SLC38A11: variants seen among roughly 807,000 people sequenced by gnomAD.
The protein encoded by SLC38A11 is putative sodium-coupled neutral amino acid transporter 11.
Under a neutral mutation model 49.4 loss-of-function variants are expected in SLC38A11, and 51 were observed. That is an observed-to-expected ratio of 1.03 (90% CI 0.83 to 1.30). The LOEUF (loss-of-function observed/expected upper bound fraction) is 1.30, where lower values mean the gene tolerates loss of function less well. SLC38A11 is among the 50% of genes most tolerant of loss of function. The pLI, the probability that SLC38A11 is intolerant of heterozygous loss-of-function variation, is 0.00. For synonymous variants in SLC38A11, 203 were observed against 192.9 expected (o/e 1.05, Z -0.43); for missense variants, 574 against 556.2 (o/e 1.03, Z -0.32).
chr2:164,902,025 TTCTC>T (rs1199610791), intron 11 of SLC38A11, among the ~76,000 whole-genome samples: 1 of 148,506 alleles, frequency 6.7e-6, no homozygotes, highest in African/African-American at 2.5e-5. Flanking sequence ...GTTTTTTGTT[TTCTC>T]TCTCTTTTTT....
intron 5 of SLC38A11, among the ~76,000 whole-genome samples, chr2:164,941,081 C>T (rs1687734973): frequency 6.6e-6 from 1 of 151,828 alleles, no homozygotes; most frequent in Admixed American, 6.6e-5. Flanking sequence ...ACTGAGGATC[C>T]CATTTGCATA....
intron 7 of SLC38A11, among the ~76,000 whole-genome samples, chr2:164,926,454 T>C (rs1258041084): frequency 6.6e-6 from 1 of 152,154 alleles, no homozygotes; most frequent in African/African-American, 2.4e-5. Context: ...GGTTTAAATG[T>C]TTGCATCCCC....
In SLC38A11 at chr2:164,904,413, GA is replaced by G. The variant is rs202047741; in HGVS notation, c.1095+4226del. On this transcript the variant is annotated intron_variant, in intron 11 of 11. Transcript: ENST00000685975. ...TTGTTGTCTACTGACATGAAAACAA[GA>G]AAAAAAAAGGAAAGCAAGGTTCTAT... 2.5e-3 allele frequency among the ~76,000 whole-genome samples: 370 copies of G among 149,356 alleles called. 5 individuals are homozygous for G. In the East Asian group the frequency reaches 0.03, roughly 12 times the overall value.
At chr2:164,921,690 T>C (rs1686216622) in intron 7 of SLC38A11, among the ~76,000 whole-genome samples, 1 of 152,078 alleles carries the variant, frequency 6.6e-6, no homozygotes, top group Non-Finnish European at 1.5e-5. Flanking sequence ...AAAGTAACAT[T>C]GAAAAGAAGC....
chr2:164,950,604 A>G (rs1222922090), intron 3 of SLC38A11, among the ~76,000 whole-genome samples: 1 of 152,200 alleles, frequency 6.6e-6, no homozygotes, highest in African/African-American at 2.4e-5. Context: ...TACTTAACAA[A>G]AGAATTTTCT....
At chr2:164,901,857 T>C (rs1286458419) in intron 11 of SLC38A11, among the ~76,000 whole-genome samples, 1 of 152,076 alleles carries the variant, frequency 6.6e-6, no homozygotes, top group Admixed American at 6.6e-5. Context: ...AGCCTTCAGT[T>C]GTTTCCTATT....
At chr2:164,903,831 A>G (rs1473965844) in intron 11 of SLC38A11, among the ~76,000 whole-genome samples, 1 of 152,210 alleles carries the variant, frequency 6.6e-6, no homozygotes, top group Non-Finnish European at 1.5e-5. Flanking sequence ...GAGAAAGGAC[A>G]GAAGCTATTG....
chr2:164,951,876 A>G (rs2105521570), intron 3 of SLC38A11, among the ~76,000 whole-genome samples: 1 of 152,312 alleles, frequency 6.6e-6, no homozygotes, highest in Non-Finnish European at 1.5e-5. Context: ...GGCCCAGGGC[A>G]ACACTCCAGA....
At position 164,955,485 on chromosome 2, in the gene SLC38A11, G is replaced by A. The variant is rs945558601; in HGVS notation, c.-238C>T. The A allele has an allele frequency of 1.3e-5, 7 of 546,806 alleles. No individual in the cohort carries two copies. Among genetic ancestry groups the A allele is most frequent in the Admixed American group, 6.7e-5 (2 of 29,902 alleles). 33.9% of individuals were successfully genotyped at this position (546,806 alleles called of 1,614,324 possible). On this transcript the variant is annotated 5_prime_UTR_variant, in exon 1 of 12. Coordinates refer to ENST00000685975, the MANE Select transcript of SLC38A11 (RefSeq NM_001351537.2). The stretch of plus-strand genomic sequence containing the variant: ...TCCACCGGAGTTCGCCCAGACAAAT[G>A]TATTTTTCCTCCGGAGACGGAGATG...
In SLC38A11 at chr2:164,905,144, G is replaced by A. The variant is rs181685793; in HGVS notation, c.1095+3496C>T. 2.5e-3 allele frequency among the ~76,000 whole-genome samples: 379 copies of A among 151,826 alleles called. 2 individuals are homozygous for A. Among genetic ancestry groups the A allele is most frequent in the African/African-American group, 8.8e-3 (363 of 41,380 alleles). The stretch of plus-strand genomic sequence containing the variant: ...CTTTTTTTTTATTTTTTGAGATGGA[G>A]TCTTGCTTTGTCACCCAGGCTAGAG... On this transcript the variant is annotated intron_variant, in intron 11 of 11. Coordinates refer to ENST00000685975, the MANE Select transcript of SLC38A11 (RefSeq NM_001351537.2).
intron 10 of SLC38A11, 106 bp from the exon 11 acceptor site, chr2:164,908,877 A>G: frequency 1.6e-6 from 2 of 1,249,026 alleles, no homozygotes; most frequent in South Asian, 1.7e-5. Context: ...TACTACCAAC[A>G]AGGCTATTAA....
intron 5 of SLC38A11, among the ~76,000 whole-genome samples, chr2:164,943,826 C>T (rs1298553604): frequency 6.6e-6 from 1 of 151,930 alleles, no homozygotes; most frequent in East Asian, 1.9e-4. Flanking sequence ...TGACTATATG[C>T]CTTTGTCAAA....
At chr2:164,908,529 C>T (rs920886008) in intron 11 of SLC38A11, 111 bp downstream of exon 11, 1 of 961,620 alleles carries the variant, frequency 1.0e-6, no homozygotes, top group East Asian at 3.0e-5. Flanking sequence ...TATTTTGATT[C>T]CACTTCAAAA....
At chr2:164,914,678 G>T (rs892831888) in intron 9 of SLC38A11, among the ~76,000 whole-genome samples, 1 of 151,770 alleles carries the variant, frequency 6.6e-6, no homozygotes, top group Non-Finnish European at 1.5e-5. Context: ...TTAACAGAGA[G>T]AAAGAATAAC....
chr2:164,929,388 C>T (rs1686826505), intron 7 of SLC38A11, among the ~76,000 whole-genome samples: 1 of 152,074 alleles, frequency 6.6e-6, no homozygotes, highest in African/African-American at 2.4e-5. Context: ...GCAAACAACT[C>T]AATATAGGCC....
At chr2:164,914,355 C>T (rs2105461287) in intron 9 of SLC38A11, among the ~76,000 whole-genome samples, 1 of 152,088 alleles carries the variant, frequency 6.6e-6, no homozygotes, top group South Asian at 2.1e-4. Flanking sequence ...GAGAGGACTG[C>T]TCAGTTGCTG....
intron 11 of SLC38A11, among the ~76,000 whole-genome samples, chr2:164,903,621 T>C (rs1684805373): frequency 6.6e-6 from 1 of 152,338 alleles, no homozygotes; most frequent in Admixed American, 6.5e-5. Flanking sequence ...TTAGTCGAGC[T>C]GATTTGATCT....
chr2:164,946,016 C>A (rs1688081699), intron 3 of SLC38A11, among the ~76,000 whole-genome samples: 1 of 152,126 alleles, frequency 6.6e-6, no homozygotes, highest in African/African-American at 2.4e-5. Context: ...GCCAGTGTTC[C>A]ATTTTACTTT....
At chr2:164,931,879 G>T (rs1312795767) in intron 7 of SLC38A11, among the ~76,000 whole-genome samples, 1 of 151,960 alleles carries the variant, frequency 6.6e-6, no homozygotes, top group African/African-American at 2.4e-5. Context: ...ATTTCATGAC[G>T]AAAATGCCAA....
Sources: allele counts gnomAD v4.1 joint callset (sites outside exome capture counted in the v4.1 genomes callset), GRCh38; gene constraint gnomAD v4.1.1; transcripts MANE v1.5; gene names NCBI Gene and HGNC (gene_info 2026-07-23, HGNC 2026-07-21).